The following ACACA variants were observed in gnomAD, a reference collection of about 807,000 sequenced individuals.
The protein encoded by ACACA is acetyl-CoA carboxylase 1.
Under a neutral mutation model 296.1 loss-of-function variants are expected in ACACA, and 103 were observed. The observed-to-expected ratio is 0.35, with a 90% CI of 0.30 to 0.41. The LOEUF (loss-of-function observed/expected upper bound fraction) is 0.41. ACACA is among the 10% of genes least tolerant of loss of function. ACACA has a pLI of 1.00. For synonymous variants in ACACA, 953 were observed against 1,038.6 expected, an observed-to-expected ratio of 0.92 and a Z score of 1.58; for missense variants, 1,554 against 2,989.7, an observed-to-expected ratio of 0.52 and a Z score of 11.20.
chr17:37,200,028 GA>G, intron 35 of ACACA, 110 bp downstream of exon 35: 1 of 791,288 alleles, frequency 1.3e-6, no homozygotes, highest in Non-Finnish European at 2.1e-6. Flanking sequence ...ATTTCTAAAA[GA>G]AGAAGGATCA....
At chr17:37,393,781 G>C (rs1173921761) in intron 1 of ACACA, among the ~76,000 whole-genome samples, 2 of 150,876 alleles carry the variant, frequency 1.3e-5, no homozygotes, top group African/African-American at 4.9e-5. Context: ...TTGAACCATT[G>C]CACTCCAGCC....
At chr17:37,323,385 A>G (rs1181078326) in intron 3 of ACACA, among the ~76,000 whole-genome samples, 1 of 152,278 alleles carries the variant, frequency 6.6e-6, no homozygotes, top group Non-Finnish European at 1.5e-5. Flanking sequence ...ACTTGAGGCC[A>G]GGAATTCAAG....
At chr17:37,404,699 C>A (rs182604898) in intron 1 of ACACA, among the ~76,000 whole-genome samples, 1 of 151,618 alleles carries the variant, frequency 6.6e-6, no homozygotes, top group Non-Finnish European at 1.5e-5. Flanking sequence ...CTCAGCCTCC[C>A]GAGTAGCTGG....
chr17:37,174,020 A>ATATATATATATATTT (rs552735515), intron 41 of ACACA, among the ~76,000 whole-genome samples: 3 of 16,792 alleles, frequency 1.8e-4, no homozygotes, highest in African/African-American at 5.1e-4. Context: ...ATATATATAT[A>ATATATATATATATTT]TTTTTTTTTT....
chr17:37,305,904 G>GTTT (rs200591761), intron 3 of ACACA, among the ~76,000 whole-genome samples: 31 of 95,824 alleles, frequency 3.2e-4, no homozygotes, highest in Non-Finnish European at 4.8e-4. Flanking sequence ...TTTTTTTTTT[G>GTTT]TTTTTTTTTT....
At chr17:37,140,215 T>C (rs1422928931) in intron 45 of ACACA, among the ~76,000 whole-genome samples, 1 of 152,222 alleles carries the variant, frequency 6.6e-6, no homozygotes, top group Non-Finnish European at 1.5e-5. Context: ...AGATTTATAA[T>C]TCTACAGCCA....
At chr17:37,302,365 A>G (rs1455161077) in intron 3 of ACACA, among the ~76,000 whole-genome samples, 1 of 152,054 alleles carries the variant, frequency 6.6e-6, no homozygotes, top group African/African-American at 2.4e-5. Context: ...GACTGCCACC[A>G]TGCCAGGCTA....
At chr17:37,232,927 A>G (rs1427427160) in intron 25 of ACACA, among the ~76,000 whole-genome samples, 9 of 151,208 alleles carry the variant, frequency 6.0e-5, no homozygotes, top group Admixed American at 6.6e-5. Context: ...CATCCTATTC[A>G]CCCAAACTCA....
rs181617224 is a variant in ACACA at position 37,121,433 on chromosome 17, C to T, written c.6196G>A (p.Ala2066Thr). ...CCTTCCCGGTTGAAGTCCTTGATGG[C>T]CTGATACGTCTTAAACGCAGAATCT... ...FPDSAFKTYQ[A>T]IKDFNREGLP... Residue 2066 changes from alanine to threonine, a missense_variant, in exon 50 of 56, where the codon GCC becomes ACC. Coordinates refer to ENST00000616317, the MANE Select transcript of ACACA (RefSeq NM_198834.3). The T allele has an allele frequency of 1.2e-6, 2 of 1,614,044 alleles. No homozygotes were observed. Among genetic ancestry groups the T allele is most frequent in the African/African-American group, 1.3e-5 (1 of 74,912 alleles).
At chr17:37,359,670 C>T (rs1469421594) in intron 1 of ACACA, among the ~76,000 whole-genome samples, 1 of 152,062 alleles carries the variant, frequency 6.6e-6, no homozygotes, top group Non-Finnish European at 1.5e-5. Flanking sequence ...ATGGGGCAGG[C>T]GGTGTGCGGG....
At chr17:37,160,298 C>T (rs2076410191) in intron 42 of ACACA, among the ~76,000 whole-genome samples, 1 of 152,120 alleles carries the variant, frequency 6.6e-6, no homozygotes, top group Non-Finnish European at 1.5e-5. Flanking sequence ...ATCAAATGTA[C>T]AAGAGGAGGG....
At chr17:37,398,136 A>AG (rs1395312607) in intron 1 of ACACA, among the ~76,000 whole-genome samples, 1 of 149,506 alleles carries the variant, frequency 6.7e-6, no homozygotes. Context: ...AGCCTGAGGC[A>AG]GGAGAATCAC....
intron 43 of ACACA, among the ~76,000 whole-genome samples, chr17:37,154,890 G>T (rs2144241048): frequency 6.6e-6 from 1 of 152,262 alleles, no homozygotes; most frequent in Admixed American, 6.5e-5. Flanking sequence ...AATAACAATT[G>T]CCATTTTTAT....
In ACACA at chr17:37,218,258, C is replaced by T. The variant is rs368562443; in HGVS notation, c.3683+3466G>A. On this transcript the variant is annotated intron_variant, in intron 29 of 55. Coordinates refer to ENST00000616317, the MANE Select transcript of ACACA (RefSeq NM_198834.3). The stretch of plus-strand genomic sequence containing the variant: ...TTAGCCACATGCAGCTAGGGTAGTA[C>T]TTGAAATACGGCTAGTTTATATTGA... 4.9e-4 allele frequency among the ~76,000 whole-genome samples: 74 copies of T among 151,216 alleles called. No individual in the cohort carries two copies. The Middle Eastern group carries it at 0.01, about 21-fold the overall frequency.
intron 3 of ACACA, among the ~76,000 whole-genome samples, chr17:37,313,500 T>C (rs2046945082): frequency 6.6e-6 from 1 of 152,174 alleles, no homozygotes; most frequent in South Asian, 2.1e-4. Context: ...AATCCAATTT[T>C]AAAATAGGCA....
intron 42 of ACACA, 70 bp downstream of exon 42, chr17:37,161,711 T>TC: frequency 6.4e-7 from 1 of 1,569,940 alleles, no homozygotes; most frequent in Non-Finnish European, 8.7e-7. Flanking sequence ...CCTCTACCCT[T>TC]CCCCCACCTC....
rs551890320 is a variant in ACACA at position 37,191,393 on chromosome 17, T to C, written c.4417-118A>G. On this transcript the variant is annotated intron_variant, in intron 37 of 55. Transcript: ENST00000616317. ...AATCATAAGGCACTTGGTGAAGAGA[T>C]TGTTTATCTTTCTCCCTAGAGTCAG... is the stretch of plus-strand genomic sequence containing the variant. 677 of 1,042,474 alleles carry C rather than the reference T, an allele frequency of 6.5e-4. 2 individuals are homozygous for C. The highest frequency in any genetic ancestry group is 8.1e-4 in the Non-Finnish European group (570 of 702,090). 64.6% of individuals were successfully genotyped at this position (1,042,474 alleles called of 1,614,324 possible). A position where few individuals can be genotyped will look rare whatever the true frequency, so the allele number is the denominator to read the frequency against.
At position 37,154,566 on chromosome 17, in the gene ACACA, G is replaced by A. The variant is rs536143484; in HGVS notation, c.5447+1117C>T. Among the ~76,000 whole-genome samples, 3 of 151,814 alleles carry A rather than the reference G, an allele frequency of 2.0e-5. No homozygotes were observed. The East Asian group carries it at 5.8e-4, about 29-fold the overall frequency. On this transcript the variant is annotated intron_variant, in intron 43 of 55. Coordinates refer to ENST00000616317, the MANE Select transcript of ACACA (RefSeq NM_198834.3). ...GGCTGGAGTGCAGTGGTGTCATCTC[G>A]GCTCACTGCAACCTCTACCTCCTGG...
chr17:37,251,381 C>A (rs1282229145), intron 16 of ACACA, among the ~76,000 whole-genome samples: 1 of 152,104 alleles, frequency 6.6e-6, no homozygotes, highest in African/African-American at 2.4e-5. Context: ...AATTTTGTTT[C>A]TTTTCTTTCT....
Sources: gnomAD v4.1 joint callset for allele counts (sites outside exome capture counted in the v4.1 genomes callset) on GRCh38, gnomAD v4.1.1 for gene constraint, MANE v1.5 for transcripts, NCBI Gene and HGNC (gene_info 2026-07-23, HGNC 2026-07-21) for gene names.